Variants in CDH13 observed in about 807,000 individuals in gnomAD.
CDH13 encodes cadherin-13.
CDH13 carries 24 observed loss-of-function variants against 63.8 expected under a neutral mutation model. The ratio of observed to expected loss-of-function variants is 0.38; its 90% confidence interval spans 0.27 to 0.53. The LOEUF (loss-of-function observed/expected upper bound fraction) is 0.53. CDH13 is among the 20% of genes least tolerant of loss of function. The pLI is 0.85. For missense variants in CDH13, 1,049 were observed against 903.1 expected (o/e 1.16, Z -2.07); for synonymous variants, 503 against 355.3 (o/e 1.42, Z -4.67).
intron 5 of CDH13, among the ~76,000 whole-genome samples, chr16:83,297,496 A>G (rs1233705056): frequency 6.6e-6 from 1 of 152,164 alleles, no homozygotes; most frequent in African/African-American, 2.4e-5. Context: ...GCTGTTCTCA[A>G]ATAGCTCTAA....
chr16:83,351,469 C>T (rs1567610670), intron 6 of CDH13, among the ~76,000 whole-genome samples: 1 of 152,142 alleles, frequency 6.6e-6, no homozygotes, highest in Non-Finnish European at 1.5e-5. Context: ...GATGCAGGTG[C>T]ACAGTTTTAC....
At chr16:82,883,277 C>T (rs774543805) in intron 2 of CDH13, among the ~76,000 whole-genome samples, 3 of 152,184 alleles carry the variant, frequency 2.0e-5, no homozygotes, top group Non-Finnish European at 4.4e-5. Context: ...GAAATGCTTT[C>T]TATATTAGCT....
chr16:83,219,982 A>G (rs1411071091), intron 5 of CDH13, among the ~76,000 whole-genome samples: 1 of 152,184 alleles, frequency 6.6e-6, no homozygotes, highest in African/African-American at 2.4e-5. Flanking sequence ...ACAGGGTCAT[A>G]TACCCTCATT....
At chr16:83,705,096 G>A (rs1906814019) in intron 10 of CDH13, among the ~76,000 whole-genome samples, 1 of 152,118 alleles carries the variant, frequency 6.6e-6, no homozygotes, top group African/African-American at 2.4e-5. Flanking sequence ...TAAAACATAG[G>A]TTTCCCCGAT....
At chr16:82,857,812 G>C (rs886919312) in intron 1 of CDH13, among the ~76,000 whole-genome samples, 16 of 152,016 alleles carry the variant, frequency 1.1e-4, no homozygotes, top group African/African-American at 3.9e-4. Flanking sequence ...AATCCAGTGT[G>C]TATTTTATAC....
rs528331839 is a variant in CDH13, at chr16:82,847,600, T to C, written c.46-10762T>C. 2.0e-4 allele frequency among the ~76,000 whole-genome samples: 30 copies of C among 152,370 alleles called. 1 individual carries two copies. In the South Asian group the frequency reaches 5.4e-3, roughly 27 times the overall value. ...CATAATCCAGGATAAGCATGCTGTTTTAATGTTAGCTGATTCCCAACCTTA... is the reference window on the plus strand; with the variant it reads ...CATAATCCAGGATAAGCATGCTGTTCTAATGTTAGCTGATTCCCAACCTTA... On this transcript the variant is annotated intron_variant, in intron 1 of 13. Transcript: ENST00000567109.
intron 2 of CDH13, among the ~76,000 whole-genome samples, chr16:82,969,021 C>G (rs953462828): frequency 1.3e-5 from 2 of 152,154 alleles, no homozygotes; most frequent in African/African-American, 4.8e-5. Flanking sequence ...GCAGGAGAAT[C>G]GCTTGAACCC....
At chr16:83,730,703 C>G (rs1386289155) in intron 10 of CDH13, among the ~76,000 whole-genome samples, 1 of 152,054 alleles carries the variant, frequency 6.6e-6, no homozygotes, top group Non-Finnish European at 1.5e-5. Flanking sequence ...GGTCCATGGG[C>G]AGGTTTATTA....
chr16:83,297,898 G>A (rs141330608), intron 5 of CDH13, among the ~76,000 whole-genome samples: 304 of 152,084 alleles, frequency 2.0e-3, no homozygotes, highest in African/African-American at 6.5e-3. Flanking sequence ...ACTCTGATCT[G>A]TACAGTTGGT....
intron 4 of CDH13, among the ~76,000 whole-genome samples, chr16:83,203,937 T>A (rs1484614677): frequency 1.3e-5 from 2 of 152,144 alleles, no homozygotes; most frequent in African/African-American, 4.8e-5. Context: ...ATGACAAAGC[T>A]CAGGGGGTGT....
At chr16:83,225,116 T>C (rs2039802822) in intron 5 of CDH13, among the ~76,000 whole-genome samples, 1 of 152,174 alleles carries the variant, frequency 6.6e-6, no homozygotes, top group Non-Finnish European at 1.5e-5. Flanking sequence ...GGTGGGTCTC[T>C]CCATCTGGGT....
chr16:83,230,110 G>C (rs2039961255), intron 5 of CDH13, among the ~76,000 whole-genome samples: 1 of 152,158 alleles, frequency 6.6e-6, no homozygotes, highest in African/African-American at 2.4e-5. Flanking sequence ...GGTCAGAAAG[G>C]CTGAGAAAAA....
At chr16:82,872,799 C>T (rs1005819346) in intron 2 of CDH13, among the ~76,000 whole-genome samples, 3 of 152,106 alleles carry the variant, frequency 2.0e-5, no homozygotes, top group African/African-American at 7.2e-5. Context: ...ATATTGAGTC[C>T]CTACCACTCA....
rs899337034 is a variant in CDH13 at position 82,970,500 on chromosome 16, C to T, written c.158-61510C>T. Among the ~76,000 whole-genome samples, 10 of 131,672 alleles carry T rather than the reference C, an allele frequency of 7.6e-5. 1 individual carries two copies. The highest frequency in any genetic ancestry group is 1.6e-4 in the African/African-American group (6 of 38,386). 86.4% of individuals were successfully genotyped at this position (131,672 alleles called of 152,430 possible). On this transcript the variant is annotated intron_variant, in intron 2 of 13. Coordinates refer to ENST00000567109, the MANE Select transcript of CDH13 (RefSeq NM_001257.5). Reference sequence around the variant, plus strand: ...CTGCAAGCTCCACTTCCCGGGTTCACGCCATTCTCCTGCCTCAGCCTCCCG... The same window carrying T: ...CTGCAAGCTCCACTTCCCGGGTTCATGCCATTCTCCTGCCTCAGCCTCCCG...
intron 8 of CDH13, among the ~76,000 whole-genome samples, chr16:83,621,504 T>TTTTTG (rs1909813489): frequency 9.7e-5 from 13 of 134,108 alleles, no homozygotes; most frequent in African/African-American, 1.4e-4. Flanking sequence ...TTTTTTTTTT[T>TTTTTG]GAGATGGAGT....
intron 1 of CDH13, among the ~76,000 whole-genome samples, chr16:82,851,434 C>G (rs1447765424): frequency 1.3e-5 from 1 of 79,152 alleles, no homozygotes; most frequent in African/African-American, 4.4e-5. Context: ...GATTTCGTCT[C>G]AAAAAAAAAA....
intron 1 of CDH13, among the ~76,000 whole-genome samples, chr16:82,673,769 CACA>C (rs1913571631): frequency 6.6e-6 from 1 of 152,156 alleles, no homozygotes; most frequent in Admixed American, 6.5e-5. Flanking sequence ...ATGATTGCTC[CACA>C]ACTTTACAGG....
chr16:82,677,972 GA>G (rs936570475), intron 1 of CDH13, among the ~76,000 whole-genome samples: 2 of 152,156 alleles, frequency 1.3e-5, no homozygotes, highest in African/African-American at 4.8e-5. Context: ...ATATGATCCA[GA>G]AAATCTATAG....
intron 1 of CDH13, among the ~76,000 whole-genome samples, chr16:82,769,937 A>G (rs2035199256): frequency 1.3e-5 from 2 of 152,248 alleles, no homozygotes; most frequent in South Asian, 4.1e-4. Context: ...CATGGTGCAT[A>G]CGGCACAGAC....
Sources: allele counts gnomAD v4.1 joint callset (sites outside exome capture counted in the v4.1 genomes callset), GRCh38; gene constraint gnomAD v4.1.1; transcripts MANE v1.5; gene names NCBI Gene and HGNC (gene_info 2026-07-23, HGNC 2026-07-21).